Variants in MUC5AC observed in about 807,000 individuals in gnomAD.
The protein encoded by MUC5AC is mucin 5AC, oligomeric mucus/gel-forming.
A neutral mutation model predicts 169.7 loss-of-function variants in MUC5AC; 158 were observed. That is an observed-to-expected ratio of 0.93 (90% CI 0.82 to 1.06). The LOEUF (loss-of-function observed/expected upper bound fraction) is 1.06. Among genes scored for constraint, MUC5AC ranks in the 50% least tolerant of loss-of-function variants. The pLI is 0.00. For missense variants in MUC5AC, 4,359 were observed against 3,089.9 expected, an observed-to-expected ratio of 1.41 and a Z score of -9.74; for synonymous variants, 1,975 against 1,237.0, an observed-to-expected ratio of 1.60 and a Z score of -12.52.
chr11:1,163,841 C>G lies in MUC5AC; in HGVS notation c.680-41C>G, dbSNP rs768059621. The G allele has an allele frequency of 8.7e-6, 13 of 1,494,790 alleles. No homozygotes were observed. The South Asian group carries it at 1.3e-4, about 15-fold the overall frequency. 92.6% of individuals were successfully genotyped at this position (1,494,790 alleles called of 1,614,324 possible). On this transcript the variant is annotated intron_variant, in intron 6 of 48. Coordinates refer to ENST00000621226, the MANE Select transcript of MUC5AC (RefSeq NM_001304359.2). Reference sequence around the variant, plus strand: ...TGCTCGGGTGCTGGGCTGACGGGTACCGGGACCTGCAGGCAGAGCCCGCCT... The same window carrying G: ...TGCTCGGGTGCTGGGCTGACGGGTAGCGGGACCTGCAGGCAGAGCCCGCCT...
rs755927345 is a variant in MUC5AC, at chr11:1,198,282, A to C, written c.16150A>C (p.Ser5384Arg). ...CTCGTGGGCAGGCTGGACAGTGTGC[A>C]GCATCAACGGGACCCTGTACCAGGT... The part of the protein sequence containing the change: ...PVQNCSWTVC[S>R]INGTLYQPGA... Residue 5384 changes from serine (S) to arginine (R), a missense_variant, in exon 43 of 49, where the codon AGC becomes CGC. Physicochemically the swap from Ser to Arg is moderately radical, Grantham distance 110 (BLOSUM62 -1). Coordinates refer to ENST00000621226, the MANE Select transcript of MUC5AC (RefSeq NM_001304359.2). 27 of 755,056 alleles carry C rather than the reference A, an allele frequency of 3.6e-5. No individual in the cohort carries two copies. Among genetic ancestry groups the C allele is most frequent in the Non-Finnish European group, 6.5e-5 (27 of 413,694 alleles). The allele number at this position is 755,056 out of a possible 1,614,324, so 46.8% of individuals were successfully genotyped here. A position where few individuals can be genotyped will look rare whatever the true frequency, so the allele number is the denominator to read the frequency against.
intron 37 of MUC5AC, 108 bp from the exon 38 acceptor site, chr11:1,196,280 C>T (rs1294167096): frequency 4.2e-6 from 3 of 707,938 alleles, no homozygotes; most frequent in Non-Finnish European, 7.7e-6. Context: ...GGCCCAGGCC[C>T]ACAGGTGGCT....
chr11:1,180,838 C>T (rs1164822796), intron 28 of MUC5AC, among the ~76,000 whole-genome samples: 6 of 152,130 alleles, frequency 3.9e-5, no homozygotes, highest in African/African-American at 1.2e-4. Context: ...GGGTCCCCAC[C>T]GGAAGGATGC....
At chr11:1,160,589 C>T (rs1330401465) in intron 1 of MUC5AC, 23 bp from the exon 2 acceptor site, 18 of 1,596,696 alleles carry the variant, frequency 1.1e-5, no homozygotes, top group Non-Finnish European at 1.4e-5. Context: ...CATCTGGGCT[C>T]AGCCCCCCTC....
At position 1,197,535 on chromosome 11, in the gene MUC5AC, G is replaced by A; in HGVS notation, c.15929G>A (p.Cys5310Tyr). Residue 5310 changes from cysteine (C) to tyrosine (Y), a missense_variant, in exon 41 of 49, where the codon TGC (cysteine) becomes TAC (tyrosine). Coordinates refer to ENST00000621226, the MANE Select transcript of MUC5AC (RefSeq NM_001304359.2). ...TCEAATWTLT[C>Y]RPKLCPLPPA... is the part of the protein sequence containing the mutation. ...GAGGCGGCCACGTGGACGCTGACCT[G>A]CCGACCCAAGCTCTGCCCGCTGCCC... 1 of 716,652 alleles carries A rather than the reference G, an allele frequency of 1.4e-6. No individual in the cohort carries two copies. The highest frequency in any genetic ancestry group is 2.5e-6 in the Non-Finnish European group (1 of 394,418). 44.4% of individuals were successfully genotyped at this position (716,652 alleles called of 1,614,324 possible).
Position 1,200,681 on chromosome 11 carries a change from C to T in MUC5AC, c.16944C>T (p.Val5648=), listed in dbSNP as rs561574810. Residue 5648 remains valine (V), a synonymous_variant, in exon 49 of 49, where the codon GTC becomes GTT. Transcript: ENST00000621226. ...AGAGTGGGAGCTGGGAGAGAGGCGTCCCAGTGTCCCCCATGCACTGACCAG... is the reference window on the plus strand; with the variant it reads ...AGAGTGGGAGCTGGGAGAGAGGCGTTCCAGTGTCCCCCATGCACTGACCAG... ...EAESGSWERG[V]PVSPMH is the part of the protein sequence containing the mutation. 32 of 759,318 alleles carry T rather than the reference C, an allele frequency of 4.2e-5. No individual in the cohort carries two copies. The highest frequency in any genetic ancestry group is 3.5e-4 in the South Asian group (26 of 73,840). 47.0% of individuals were successfully genotyped at this position (759,318 alleles called of 1,614,324 possible). A position where few individuals can be genotyped will look rare whatever the true frequency, so the allele number is the denominator to read the frequency against.
chr11:1,163,821 G>A (rs1378154119), intron 6 of MUC5AC, 61 bp from the exon 7 acceptor site: 28 of 1,361,030 alleles, frequency 2.1e-5, no homozygotes, highest in Middle Eastern at 1.8e-4. Context: ...TCTGCTGCTC[G>A]GGTGCTGGGC....
intron 1 of MUC5AC, 108 bp from the exon 2 acceptor site, chr11:1,160,504 C>T (rs959865165): frequency 1.5e-4 from 136 of 901,228 alleles, no homozygotes; most frequent in Middle Eastern, 2.1e-4. Context: ...GCCACCCCCA[C>T]GCACTGTGGC....
chr11:1,176,689 T>C (rs1172210524), intron 21 of MUC5AC, 24 bp downstream of exon 21: 5 of 398,474 alleles, frequency 1.3e-5, no homozygotes, highest in Non-Finnish European at 2.2e-5. Context: ...TCAAAGCCCA[T>C]GGGGGGTGTC....
At chr11:1,163,116 C>T in intron 6 of MUC5AC, 71 bp downstream of exon 6, 1 of 1,385,412 alleles carries the variant, frequency 7.2e-7, no homozygotes, top group Non-Finnish European at 1.0e-6. Context: ...TGCACACACA[C>T]CCTCTGACAC....
At position 1,167,922 on chromosome 11, in the gene MUC5AC, T is replaced by C; in HGVS notation, c.1432T>C (p.Cys478Arg). The C allele has an allele frequency of 1.3e-6, 2 of 1,550,624 alleles. No homozygotes were observed. Among genetic ancestry groups the C allele is most frequent in the Non-Finnish European group, 1.7e-6 (2 of 1,147,192 alleles). Residue 478 changes from cysteine to arginine, a missense_variant, in exon 12 of 49, where the codon TGC (cysteine) becomes CGC (arginine). Physicochemically the swap from Cys to Arg is radical, Grantham distance 180 (BLOSUM62 -3). Transcript: ENST00000621226. The part of the protein sequence containing the change: ...AFTVLAELRR[C>R]GLTDSETCLK... Reference sequence around the variant, plus strand: ...CACTGTACTGGCTGAGCTGCGCAGGTGCGGGCTGACGGACAGCGAGACCTG... The same window carrying C: ...CACTGTACTGGCTGAGCTGCGCAGGCGCGGGCTGACGGACAGCGAGACCTG...
intron 10 of MUC5AC, 87 bp downstream of exon 10, chr11:1,165,506 C>G (rs76590917): frequency 2.2e-5 from 35 of 1,576,682 alleles, no homozygotes; most frequent in Non-Finnish European, 2.8e-5. Flanking sequence ...CAGGCTCCCT[C>G]GTCTGGGCTA....
At position 1,187,012 on chromosome 11, in the gene MUC5AC, C is replaced by T. The variant is rs1182769561; in HGVS notation, c.8867C>T (p.Thr2956Ile). The T allele has an allele frequency of 2.7e-6, 2 of 745,564 alleles. No homozygotes were observed. The highest frequency in any genetic ancestry group is 5.0e-5 in the East Asian group (2 of 40,382). The allele number at this position is 745,564 out of a possible 1,614,324, so 46.2% of individuals were successfully genotyped here. A position where few individuals can be genotyped will look rare whatever the true frequency, so the allele number is the denominator to read the frequency against. ...TTPSPVPTTSTISVPTTSTTS... is the reference protein window; with the variant it reads ...TTPSPVPTTSIISVPTTSTTS... ...CCCAGCCCTGTTCCTACCACCAGCA[C>T]AATCTCTGTTCCTACCACCAGCACA... Residue 2956 changes from threonine (T) to isoleucine (I), a missense_variant, in exon 31 of 49, where the codon ACA (threonine) becomes ATA (isoleucine). Transcript: ENST00000621226.
chr11:1,166,555 C>T (rs1468081105), intron 11 of MUC5AC, among the ~76,000 whole-genome samples: 4 of 104,914 alleles, frequency 3.8e-5, no homozygotes, highest in African/African-American at 7.8e-5. Context: ...AACACACAGT[C>T]TCCCCAAGAT....
chr11:1,158,118 T>C (rs1172620676), intron 1 of MUC5AC, 46 bp downstream of exon 1: 19 of 1,518,570 alleles, frequency 1.3e-5, no homozygotes, highest in Non-Finnish European at 1.6e-5. Flanking sequence ...GGTGGTGCGG[T>C]ACTGAGTGGG....
rs761811137 is a variant in MUC5AC at position 1,195,221 on chromosome 11, C to T, written c.15400C>T (p.Pro5134Ser). ...PTTVGSTTVG[P>S]TTPPAPCLPS... is the part of the protein sequence containing the mutation. Reference sequence around the variant, plus strand: ...CACAGTTGGGTCTACCACGGTCGGGCCCACCACACCGCCTGCTCCGTGCCT... The same window carrying T: ...CACAGTTGGGTCTACCACGGTCGGGTCCACCACACCGCCTGCTCCGTGCCT... The change falls in exon 36 of 49, where the codon CCC (proline) becomes TCC (serine). Residue 5134 changes from proline to serine, a missense_variant. Physicochemically the swap from Pro to Ser is moderately conservative, Grantham distance 74 (BLOSUM62 -1). Transcript: ENST00000621226. The T allele has an allele frequency of 1.3e-6, 1 of 764,674 alleles. No homozygotes were observed. The highest frequency in any genetic ancestry group is 1.7e-5 in the African/African-American group (1 of 59,086). 47.4% of individuals were successfully genotyped at this position (764,674 alleles called of 1,614,324 possible).
At chr11:1,181,220 G>A (rs887254657) in intron 29 of MUC5AC, 38 bp downstream of exon 29, 1 of 398,550 alleles carries the variant, frequency 2.5e-6, no homozygotes, top group Non-Finnish European at 4.4e-6. Context: ...GGGTCCGGGG[G>A]TCTCTGTCTG....
Position 1,165,472 on chromosome 11 carries a change from G to A in MUC5AC, c.1247+53G>A, listed in dbSNP as rs1006210305. Reference sequence around the variant, plus strand: ...CAAGGATGTGCTATGGGACAGACCTGCTGGGGGTTGCAACCCAGGCCGGCA... The same window carrying A: ...CAAGGATGTGCTATGGGACAGACCTACTGGGGGTTGCAACCCAGGCCGGCA... On this transcript the variant is annotated intron_variant, in intron 10 of 48. Coordinates refer to ENST00000621226, the MANE Select transcript of MUC5AC (RefSeq NM_001304359.2). 5.7e-6 allele frequency: 9 copies of A among 1,591,454 alleles called. No individual in the cohort carries two copies. The South Asian group carries it at 7.8e-5, about 14-fold the overall frequency.
At chr11:1,166,500 C>G (rs1209250532) in intron 11 of MUC5AC, among the ~76,000 whole-genome samples, 3 of 137,504 alleles carry the variant, frequency 2.2e-5, no homozygotes, top group East Asian at 2.2e-4. Flanking sequence ...CACGATGAGA[C>G]CCTGCACCCA....
Sources: gnomAD v4.1 joint callset for allele counts (sites outside exome capture counted in the v4.1 genomes callset) on GRCh38, gnomAD v4.1.1 for gene constraint, MANE v1.5 for transcripts, NCBI Gene and HGNC (gene_info 2026-07-23, HGNC 2026-07-21) for gene names.